Variants in CWF19L1 observed in about 807,000 individuals in gnomAD.
CWF19L1 encodes CWF19-like protein 1.
CWF19L1 carries 60 observed loss-of-function variants against 69.7 expected under a neutral mutation model. That is an observed-to-expected ratio of 0.86 (90% CI 0.70 to 1.07). The LOEUF is 1.07. Among genes scored for constraint, CWF19L1 ranks in the 50% least tolerant of loss-of-function variants. The pLI, the probability that CWF19L1 is intolerant of heterozygous loss-of-function variation, is 0.00. For missense variants in CWF19L1, 591 were observed against 638.9 expected (o/e 0.92, Z 0.81); for synonymous variants, 209 against 222.2 (o/e 0.94, Z 0.53).
chr10:100,245,347 T>C (rs1249510759), intron 9 of CWF19L1, among the ~76,000 whole-genome samples: 1 of 152,132 alleles, frequency 6.6e-6, no homozygotes, highest in Middle Eastern at 3.2e-3. Context: ...TATCCCAATA[T>C]GGGTATATAA....
chr10:100,235,117 G>A (rs1005628129), intron 13 of CWF19L1, among the ~76,000 whole-genome samples: 1 of 152,208 alleles, frequency 6.6e-6, no homozygotes. Flanking sequence ...GGCCACAAGT[G>A]GCTAGTCACA....
chr10:100,263,672 C>G (rs2134326423), intron 1 of CWF19L1, among the ~76,000 whole-genome samples: 1 of 152,276 alleles, frequency 6.6e-6, no homozygotes, highest in South Asian at 2.1e-4. Flanking sequence ...ATCTCCTCAT[C>G]TGGGCCCTTT....
chr10:100,251,776 G>C (rs1211731634), intron 6 of CWF19L1, among the ~76,000 whole-genome samples: 2 of 152,136 alleles, frequency 1.3e-5, no homozygotes, highest in African/African-American at 2.4e-5. Context: ...CTCCCAAAGT[G>C]CTGGGATTAC....
chr10:100,261,961 T>G lies in CWF19L1; in HGVS notation c.108+18A>C. The G allele has an allele frequency of 6.3e-7, 1 of 1,586,384 alleles. No individual in the cohort carries two copies. Among genetic ancestry groups the G allele is most frequent in the Middle Eastern group, 1.7e-4 (1 of 5,860 alleles). On this transcript the variant is annotated intron_variant, in intron 2 of 13. Coordinates refer to ENST00000354105, the MANE Select transcript of CWF19L1 (RefSeq NM_018294.6). ...ACTACAAAGGTAAAATTAAATTCAGTAAAAACAAACATCTTACATCAAAGT... is the reference window on the plus strand; with the variant it reads ...ACTACAAAGGTAAAATTAAATTCAGGAAAAACAAACATCTTACATCAAAGT...
intron 8 of CWF19L1, among the ~76,000 whole-genome samples, chr10:100,246,448 A>T (rs1846821323): frequency 6.6e-6 from 1 of 152,192 alleles, no homozygotes; most frequent in Non-Finnish European, 1.5e-5. Flanking sequence ...CCTACTAGCA[A>T]TCATCATAAA....
chr10:100,233,384 C>A lies in CWF19L1; in HGVS notation c.1473-13G>T, dbSNP rs1018693696. 1.9e-6 allele frequency: 3 copies of A among 1,606,348 alleles called. No homozygotes were observed. The highest frequency in any genetic ancestry group is 1.7e-6 in the Non-Finnish European group (2 of 1,176,146). ...GGCCAGGACCTCCCTGCAGAAATAG[C>A]ACAAAGAAGTCAAAATGGAAACTAT... On this transcript the variant is annotated splice_polypyrimidine_tract_variant and intron_variant, in intron 13 of 13. Transcript: ENST00000354105.
intron 7 of CWF19L1, chr10:100,248,947 G>A (rs1361745064): frequency 2.5e-5 from 19 of 761,570 alleles, no homozygotes; most frequent in South Asian, 1.3e-4. Flanking sequence ...ACTGGCCACC[G>A]CAGGGAACAG....
intron 10 of CWF19L1, among the ~76,000 whole-genome samples, chr10:100,240,111 T>A (rs994931734): frequency 2.0e-5 from 3 of 152,170 alleles, no homozygotes; most frequent in Non-Finnish European, 4.4e-5. Context: ...TAATCTCCTC[T>A]CTCTTTCAAA....
At chr10:100,260,532 T>A (rs4919441) in intron 3 of CWF19L1, among the ~76,000 whole-genome samples, 37,531 of 151,800 alleles carry the variant, frequency 0.25, 7,117 homozygotes, top group African/African-American at 0.53. Flanking sequence ...ATTTTATTTT[T>A]TTTTTTTTGA....
rs1188276618 is a variant in CWF19L1 at position 100,253,706 on chromosome 10, TAACA to T, written c.505-171_505-168del. On this transcript the variant is annotated intron_variant, in intron 5 of 13. Coordinates refer to ENST00000354105, the MANE Select transcript of CWF19L1 (RefSeq NM_018294.6). ...AGTATGGCAATCAGAGAAAAAATCT[TAACA>T]AATAAGGGAGCTGAACTACTATGAA... 4 of 536,990 alleles carry T rather than the reference TAACA, an allele frequency of 7.4e-6. No homozygotes were observed. The East Asian group carries it at 1.2e-4, about 16-fold the overall frequency. 33.3% of individuals were successfully genotyped at this position (536,990 alleles called of 1,614,324 possible).
rs200204919 is a variant in CWF19L1, at chr10:100,262,064, C to G, written c.24-1G>C. The G allele has an allele frequency of 1.6e-5, 26 of 1,610,092 alleles. No individual in the cohort carries two copies. The highest frequency in any genetic ancestry group is 2.1e-5 in the Non-Finnish European group (25 of 1,179,002). On this transcript the variant is annotated splice_acceptor_variant, in intron 1 of 13. Transcript: ENST00000354105. LOFTEE classifies it high-confidence loss of function. ...TCCTTCAACATCTCCACAAGCCAAG[C>G]TGCAAACAAAGAGATAAACATTATA...
At chr10:100,247,517 G>T (rs1846866771) in intron 7 of CWF19L1, among the ~76,000 whole-genome samples, 1 of 152,150 alleles carries the variant, frequency 6.6e-6, no homozygotes, top group South Asian at 2.1e-4. Flanking sequence ...GATATAAATA[G>T]ATGTTTAAAC....
intron 1 of CWF19L1, among the ~76,000 whole-genome samples, chr10:100,265,090 C>CA (rs1847528306): frequency 6.7e-6 from 1 of 149,772 alleles, no homozygotes; most frequent in South Asian, 2.1e-4. Flanking sequence ...AATTGCACTC[C>CA]AGCCTGGGCG....
chr10:100,256,418 T>C lies in CWF19L1; in HGVS notation c.348A>G (p.Thr116=), dbSNP rs1453783466. 1 of 1,614,108 alleles carries C rather than the reference T, an allele frequency of 6.2e-7. No homozygotes were observed. The highest frequency in any genetic ancestry group is 8.5e-7 in the Non-Finnish European group (1 of 1,180,050). Reference sequence around the variant, plus strand: ...CTGGTACTGGCTCATTTAAGGATTCTGTCCCACTGAGGTACACAATCTGCA... The same window carrying C: ...CTGGTACTGGCTCATTTAAGGATTCCGTCCCACTGAGGTACACAATCTGCA... ...SGLQIVYLSG[T]ESLNEPVPGY... The change falls in exon 5 of 14, where the codon ACA becomes ACG. Residue 116 remains threonine (T), a synonymous_variant. Coordinates refer to ENST00000354105, the MANE Select transcript of CWF19L1 (RefSeq NM_018294.6).
rs1208146959 is a variant in CWF19L1, at chr10:100,251,505, CTTTTTTT to C, written c.624-1180_624-1174del. The stretch of plus-strand genomic sequence containing the variant: ...AGCATCTTTTTATATGTCTATTGGC[CTTTTTTT>C]TTTTTTTTTTTTTTTTTGAGACGGA... On this transcript the variant is annotated intron_variant, in intron 6 of 13. Transcript: ENST00000354105. Among the ~76,000 whole-genome samples, 9 of 88,306 alleles carry C rather than the reference CTTTTTTT, an allele frequency of 1.0e-4. 1 individual carries two copies. The East Asian group carries it at 1.7e-3, about 17-fold the overall frequency. 57.9% of individuals were successfully genotyped at this position (88,306 alleles called of 152,430 possible). A position where few individuals can be genotyped will look rare whatever the true frequency, so the allele number is the denominator to read the frequency against.
intron 13 of CWF19L1, among the ~76,000 whole-genome samples, chr10:100,233,738 A>G (rs942954283): frequency 1.3e-5 from 2 of 152,210 alleles, no homozygotes; most frequent in African/African-American, 4.8e-5. Flanking sequence ...TTCATCTCTG[A>G]GTCTTGATTT....
At chr10:100,264,405 CGTGGTGGCGGGCGCCTGTAGTCCCA>C (rs1847504130) in intron 1 of CWF19L1, among the ~76,000 whole-genome samples, 1 of 151,900 alleles carries the variant, frequency 6.6e-6, no homozygotes, top group South Asian at 2.1e-4. Flanking sequence ...ATTAGCCGGG[CGTGGTGGCGGGCGCCTGTAGTCCCA>C]GCTACTCAGG....
At chr10:100,262,255 C>G (rs1334070132) in intron 1 of CWF19L1, 192 bp from the exon 2 acceptor site, 2 of 985,302 alleles carry the variant, frequency 2.0e-6, no homozygotes, top group East Asian at 1.1e-4. Flanking sequence ...CTCGCCGTAT[C>G]TAAAATTTAG....
Position 100,235,760 on chromosome 10 carries a change from G to A in CWF19L1, c.1379C>T (p.Ala460Val). 1.9e-6 allele frequency: 3 copies of A among 1,606,142 alleles called. No homozygotes were observed. The highest frequency in any genetic ancestry group is 1.3e-5 in the African/African-American group (1 of 74,936). ...IPEHSDIKQI[A>V]QPGAAYFYVE... ...ATAAAAATATGCTGCTCCTGGCTGT[G>A]CAATCTAAAGTAAACAGAGTTGTAT... The change falls in exon 13 of 14, where the codon GCA (alanine) becomes GTA (valine). Residue 460 changes from alanine (A) to valine (V), a missense_variant. Around this residue, in one of 3 missense-constraint regions of CWF19L1, gnomAD observed 458 missense variants for 489.3 expected, o/e 0.94. Transcript: ENST00000354105.
Sources: gnomAD v4.1 joint callset for allele counts (sites outside exome capture counted in the v4.1 genomes callset) on GRCh38, gnomAD v4.1.1 for gene constraint, gnomAD v4.1.1 regional missense constraint, MANE v1.5 for transcripts, NCBI Gene and HGNC (gene_info 2026-07-23, HGNC 2026-07-21) for gene names.